Variants in ADORA3 observed in about 807,000 individuals in gnomAD.
The protein encoded by ADORA3 is adenosine receptor A3.
In ADORA3, 3 loss-of-function variants were observed where a neutral mutation model predicts 5.7. That is an observed-to-expected ratio of 0.52 (90% CI 0.24 to 1.35). The LOEUF (loss-of-function observed/expected upper bound fraction) is 1.35. Among genes scored for constraint, ADORA3 ranks in the 40% most tolerant of loss-of-function variants. ADORA3 has a pLI of 0.17. For missense variants in ADORA3, 343 were observed against 389.0 expected, an observed-to-expected ratio of 0.88 and a Z score of 0.99; for synonymous variants, 168 against 152.3, an observed-to-expected ratio of 1.10 and a Z score of -0.76.
chr1:111,500,375 C>T lies in ADORA3; in HGVS notation c.532G>A (p.Val178Ile), dbSNP rs148495214. Residue 178 changes from valine to isoleucine, a missense_variant, in exon 2 of 2, where the codon GTA (valine) becomes ATA (isoleucine). Coordinates refer to ENST00000241356, the MANE Select transcript of ADORA3 (RefSeq NM_000677.4). Reference protein sequence around the residue: ...FVSVMRMDYMVYFSFLTWIFI... With the variant: ...FVSVMRMDYMIYFSFLTWIFI... Reference sequence around the variant, plus strand: ...ATCCAGGTGAGGAAGCTGAAGTATACCATGTAGTCCATTCTCATGACGGAA... The same window carrying T: ...ATCCAGGTGAGGAAGCTGAAGTATATCATGTAGTCCATTCTCATGACGGAA... 1.9e-6 allele frequency: 3 copies of T among 1,614,038 alleles called. No homozygotes were observed. In the African/African-American group the frequency reaches 4.0e-5, roughly 22 times the overall value.
intron 1 of ADORA3, among the ~76,000 whole-genome samples, chr1:111,501,789 C>T (rs1001779681): frequency 6.6e-6 from 1 of 151,870 alleles, no homozygotes; most frequent in African/African-American, 2.4e-5. Context: ...TGAACCTAGA[C>T]TGTCTACATC....
rs1655060931 is a variant in ADORA3, at chr1:111,499,700, A to G, written c.*250T>C. The G allele has an allele frequency of 1.6e-6, 2 of 1,288,150 alleles. No individual in the cohort carries two copies. The highest frequency in any genetic ancestry group is 2.0e-6 in the Non-Finnish European group (2 of 1,010,436). 79.8% of individuals were successfully genotyped at this position (1,288,150 alleles called of 1,614,324 possible). A position where few individuals can be genotyped will look rare whatever the true frequency, so the allele number is the denominator to read the frequency against. ...GGGAAGAAGGAAAACAGACAATAAT[A>G]TCAATAATACGTTGTCCCCAAGTCA... On this transcript the variant is annotated 3_prime_UTR_variant, in exon 2 of 2. Coordinates refer to ENST00000241356, the MANE Select transcript of ADORA3 (RefSeq NM_000677.4).
rs1655251183 is a variant in ADORA3 at position 111,502,241 on chromosome 1, ATATATTTATTATAATAAATATATAG to A, written c.350+739_350+763del. On this transcript the variant is annotated intron_variant, in intron 1 of 1. Coordinates refer to ENST00000241356, the MANE Select transcript of ADORA3 (RefSeq NM_000677.4). ...ATATTTATTATAATGAATATATAGG[ATATATTTATTATAATAAATATATAG>A]GATATATATTCATTATAATAAATAT... Among the ~76,000 whole-genome samples, 5 of 21,306 alleles carry A rather than the reference ATATATTTATTATAATAAATATATAG, an allele frequency of 2.3e-4. 1 individual carries two copies. The highest frequency in any genetic ancestry group is 7.1e-4 in the Admixed American group (1 of 1,404). The allele number at this position is 21,306 out of a possible 152,430, so 14.0% of individuals were successfully genotyped here.
intron 1 of ADORA3, chr1:111,501,158 TA>T (rs928680005): frequency 3.9e-5 from 6 of 152,832 alleles, no homozygotes; most frequent in Non-Finnish European, 7.3e-5. Flanking sequence ...CAGATTCTCA[TA>T]AATTATACTA....
At chr1:111,501,459 C>G (rs2100979595) in intron 1 of ADORA3, 1 of 152,244 alleles carries the variant, frequency 6.6e-6, no homozygotes, top group African/African-American at 2.4e-5. Context: ...ATTATAACCT[C>G]AATTTTATTG....
At position 111,499,494 on chromosome 1, in the gene ADORA3, A is replaced by T. The variant is rs1417372; in HGVS notation, c.*456T>A. The T allele has an allele frequency of 3.0e-6, 3 of 998,362 alleles. No homozygotes were observed. The highest frequency in any genetic ancestry group is 1.0e-4 in the East Asian group (1 of 9,730). 61.8% of individuals were successfully genotyped at this position (998,362 alleles called of 1,614,324 possible). A position where few individuals can be genotyped will look rare whatever the true frequency, so the allele number is the denominator to read the frequency against. The stretch of plus-strand genomic sequence containing the variant: ...GAATTCAGCAGTTTAAGTCCCCCTT[A>T]AACTCAGTTTATTTTTTCTGTTCCC... On this transcript the variant is annotated 3_prime_UTR_variant, in exon 2 of 2. Transcript: ENST00000241356.
At position 111,500,101 on chromosome 1, in the gene ADORA3, A is replaced by G; in HGVS notation, c.806T>C (p.Leu269Pro). 6.2e-7 allele frequency: 1 copy of G among 1,614,194 alleles called. No homozygotes were observed. The highest frequency in any genetic ancestry group is 8.5e-7 in the Non-Finnish European group (1 of 1,180,006). ...VPQLVLYMGI[L>P]LSHANSMMNP... Reference sequence around the variant, plus strand: ...CATCATGGAGTTGGCATGGGACAGCAGGATGCCCATGTACAGCACAAGCTG... The same window carrying G: ...CATCATGGAGTTGGCATGGGACAGCGGGATGCCCATGTACAGCACAAGCTG... The change falls in exon 2 of 2, where the codon CTG becomes CCG. Residue 269 changes from leucine (L) to proline (P), a missense_variant. Coordinates refer to ENST00000241356, the MANE Select transcript of ADORA3 (RefSeq NM_000677.4).
chr1:111,499,802 G>T lies in ADORA3; in HGVS notation c.*148C>A. The T allele has an allele frequency of 2.7e-6, 4 of 1,480,426 alleles. No individual in the cohort carries two copies. Among genetic ancestry groups the T allele is most frequent in the Non-Finnish European group, 3.6e-6 (4 of 1,122,180 alleles). The allele number at this position is 1,480,426 out of a possible 1,614,324, so 91.7% of individuals were successfully genotyped here. Reference sequence around the variant, plus strand: ...AGGAAGAGAGTAGTGGAGTGGGGGAGATATAATTGGGGAGCACTGGAGATG... The same window carrying T: ...AGGAAGAGAGTAGTGGAGTGGGGGATATATAATTGGGGAGCACTGGAGATG... On this transcript the variant is annotated 3_prime_UTR_variant, in exon 2 of 2. Coordinates refer to ENST00000241356, the MANE Select transcript of ADORA3 (RefSeq NM_000677.4).
rs62642559 is a variant in ADORA3, at chr1:111,503,264, C to T, written c.91G>A (p.Val31Met). ...AGCTTGACCACGCAGATGACCAGCA[C>T]GTTGCCCACTATGGCGCAGAGTCCA... ...FIGLCAIVGN[V>M]LVICVVKLNP... Residue 31 changes from valine (V) to methionine (M), a missense_variant, in exon 1 of 2, where the codon GTG (valine) becomes ATG (methionine). Coordinates refer to ENST00000241356, the MANE Select transcript of ADORA3 (RefSeq NM_000677.4). The T allele has an allele frequency of 7.6e-5, 122 of 1,614,196 alleles. No individual in the cohort carries two copies. The East Asian group carries it at 1.8e-3, about 24-fold the overall frequency.
chr1:111,503,115 G>A lies in ADORA3; in HGVS notation c.240C>T (p.Phe80=), dbSNP rs1655336014. Residue 80 remains phenylalanine, a synonymous_variant, in exon 1 of 2, where the codon TTC becomes TTT. Coordinates refer to ENST00000241356, the MANE Select transcript of ADORA3 (RefSeq NM_000677.4). ...GGCAAGTCATAAAAAGGCAGCTGTA[G>A]AAGTGGATTGTGATGCCCAGGCTGA... ...IVVSLGITIH[F]YSCLFMTCLL... 6.2e-7 allele frequency: 1 copy of A among 1,614,096 alleles called. No homozygotes were observed. Among genetic ancestry groups the A allele is most frequent in the African/African-American group, 1.3e-5 (1 of 74,936 alleles).
Position 111,500,066 on chromosome 1 carries a change from C to T in ADORA3, c.841G>A (p.Val281Ile), listed in dbSNP as rs139193735. The T allele has an allele frequency of 4.3e-5, 69 of 1,614,032 alleles. 1 individual carries two copies. The highest frequency in any genetic ancestry group is 2.9e-4 in the African/African-American group (22 of 74,900). Residue 281 changes from valine (V) to isoleucine (I), a missense_variant, in exon 2 of 2, where the codon GTC becomes ATC. By Grantham distance (29) the Val-to-Ile change is conservative. Transcript: ENST00000241356. Reference sequence around the variant, plus strand: ...AACTTCTTTATTTTATAGGCATAGACGATAGGGTTCATCATGGAGTTGGCA... The same window carrying T: ...AACTTCTTTATTTTATAGGCATAGATGATAGGGTTCATCATGGAGTTGGCA... ...SHANSMMNPIVYAYKIKKFKE... is the reference protein window; with the variant it reads ...SHANSMMNPIIYAYKIKKFKE...
chr1:111,499,612 C>A lies in ADORA3; in HGVS notation c.*338G>T, dbSNP rs779485854. On this transcript the variant is annotated 3_prime_UTR_variant, in exon 2 of 2. Transcript: ENST00000241356. ...ACCACCACACACATGTTCAGCCCAACTGGAGCCTTTTGTCAGTAAGTCAAC... is the reference window on the plus strand; with the variant it reads ...ACCACCACACACATGTTCAGCCCAAATGGAGCCTTTTGTCAGTAAGTCAAC... 1 of 1,100,752 alleles carries A rather than the reference C, an allele frequency of 9.1e-7. No individual in the cohort carries two copies. Among genetic ancestry groups the A allele is most frequent in the Non-Finnish European group, 1.1e-6 (1 of 899,518 alleles). 68.2% of individuals were successfully genotyped at this position (1,100,752 alleles called of 1,614,324 possible).
Position 111,503,249 on chromosome 1 carries a change from C to A in ADORA3, c.106G>T (p.Val36Leu). ...TGCAGGCTGGGGTTCAGCTTGACCA[C>A]GCAGATGACCAGCACGTTGCCCACT... Reference protein sequence around the residue: ...AIVGNVLVICVVKLNPSLQTT... With the variant: ...AIVGNVLVICLVKLNPSLQTT... Residue 36 changes from valine (V) to leucine (L), a missense_variant, in exon 1 of 2, where the codon GTG (valine) becomes TTG (leucine). Val to Leu is a conservative substitution (Grantham distance 32, BLOSUM62 1). Transcript: ENST00000241356. 1 of 1,614,194 alleles carries A rather than the reference C, an allele frequency of 6.2e-7. No homozygotes were observed. The highest frequency in any genetic ancestry group is 1.1e-5 in the South Asian group (1 of 91,074).
At position 111,503,133 on chromosome 1, in the gene ADORA3, C is replaced by A; in HGVS notation, c.222G>T (p.Leu74=). 1 of 1,614,172 alleles carries A rather than the reference C, an allele frequency of 6.2e-7. No individual in the cohort carries two copies. Among genetic ancestry groups the A allele is most frequent in the Non-Finnish European group, 8.5e-7 (1 of 1,180,016 alleles). The part of the protein sequence containing the change: ...LVMPLAIVVS[L]GITIHFYSCL... ...AGCTGTAGAAGTGGATTGTGATGCC[C>A]AGGCTGACAACAATGGCCAAAGGCA... is the stretch of plus-strand genomic sequence containing the variant. Residue 74 remains leucine, a synonymous_variant, in exon 1 of 2, where the codon CTG becomes CTT. Coordinates refer to ENST00000241356, the MANE Select transcript of ADORA3 (RefSeq NM_000677.4).
At chr1:111,502,889 C>A (rs1322722018) in intron 1 of ADORA3, 116 bp downstream of exon 1, 1 of 1,321,906 alleles carries the variant, frequency 7.6e-7, no homozygotes, top group Admixed American at 2.4e-5. Context: ...TTATTGCCCT[C>A]TTTCAACATC....
intron 1 of ADORA3, chr1:111,500,875 C>A (rs1655140142): frequency 2.2e-6 from 1 of 454,786 alleles, no homozygotes; most frequent in Non-Finnish European, 3.9e-6. Context: ...CCACTCAGGG[C>A]TCCACTTACT....
rs1019313283 is a variant in ADORA3 at position 111,499,677 on chromosome 1, G to A, written c.*273C>T. 2 of 1,221,388 alleles carry A rather than the reference G, an allele frequency of 1.6e-6. 1 individual carries two copies. The highest frequency in any genetic ancestry group is 7.5e-5 in the Admixed American group (2 of 26,738). The allele number at this position is 1,221,388 out of a possible 1,614,324, so 75.7% of individuals were successfully genotyped here. On this transcript the variant is annotated 3_prime_UTR_variant, in exon 2 of 2. Transcript: ENST00000241356. The stretch of plus-strand genomic sequence containing the variant: ...GCTCCATGACTTATTCTTCTATTGG[G>A]AAGAAGGAAAACAGACAATAATATC...
chr1:111,501,447 TTATTA>T (rs761900818), intron 1 of ADORA3: 6 of 152,198 alleles, frequency 3.9e-5, no homozygotes, highest in Non-Finnish European at 8.8e-5. Flanking sequence ...AGGAGATATT[TTATTA>T]TAACCTCAAT....
chr1:111,503,498 C>G lies in ADORA3; in HGVS notation c.-144G>C, dbSNP rs958614543. ...AAAATTCCCAACTTGCTCATTCCTA[C>G]CCTTTTCTGGTGGGGTGATCTCTTG... On this transcript the variant is annotated 5_prime_UTR_variant, in exon 1 of 2. Coordinates refer to ENST00000241356, the MANE Select transcript of ADORA3 (RefSeq NM_000677.4). The G allele has an allele frequency of 1.4e-6, 2 of 1,444,788 alleles. No individual in the cohort carries two copies. Among genetic ancestry groups the G allele is most frequent in the Non-Finnish European group, 1.8e-6 (2 of 1,100,048 alleles). 89.5% of individuals were successfully genotyped at this position (1,444,788 alleles called of 1,614,324 possible).
Sources: gnomAD v4.1 joint callset for allele counts (sites outside exome capture counted in the v4.1 genomes callset) on GRCh38, gnomAD v4.1.1 for gene constraint, MANE v1.5 for transcripts, NCBI Gene and HGNC (gene_info 2026-07-23, HGNC 2026-07-21) for gene names.